The following NKAIN3 variants were observed in gnomAD, a reference collection of about 807,000 sequenced individuals.
NKAIN3 encodes sodium/potassium-transporting ATPase subunit beta-1-interacting protein 3.
Under a neutral mutation model 30.2 loss-of-function variants are expected in NKAIN3, and 25 were observed. The ratio of observed to expected loss-of-function variants is 0.83; its 90% CI spans 0.60 to 1.16. NKAIN3 has a LOEUF of 1.16. Ranked by LOEUF, NKAIN3 falls within the 50% of genes most tolerant of loss-of-function variation. The pLI is 0.00. For synonymous variants in NKAIN3, 91 were observed against 89.6 expected, an observed-to-expected ratio of 1.02 and a Z score of -0.09; for missense variants, 225 against 254.1, an observed-to-expected ratio of 0.89 and a Z score of 0.78.
At chr8:62,498,868 A>G (rs569358333) in intron 1 of NKAIN3, among the ~76,000 whole-genome samples, 2 of 152,232 alleles carry the variant, frequency 1.3e-5, no homozygotes, top group East Asian at 1.9e-4. Context: ...CATGATAATT[A>G]CTGTGATAAG....
At chr8:62,920,861 C>G (rs988012362) in intron 5 of NKAIN3, among the ~76,000 whole-genome samples, 4 of 152,136 alleles carry the variant, frequency 2.6e-5, no homozygotes, top group African/African-American at 7.2e-5. Context: ...TGATAATCTG[C>G]TGGAAGAGAG....
intron 1 of NKAIN3, among the ~76,000 whole-genome samples, chr8:62,537,410 TGGGGGCTGGAAGA>T: frequency 6.6e-6 from 1 of 152,270 alleles, no homozygotes; most frequent in South Asian, 2.1e-4. Flanking sequence ...TCTTTCTTCA[TGGGGGCTGGAAGA>T]GGAAGCCAAT....
At chr8:62,680,713 GGT>G (rs141207002) in intron 3 of NKAIN3, among the ~76,000 whole-genome samples, 12 of 149,950 alleles carry the variant, frequency 8.0e-5, no homozygotes, top group African/African-American at 9.8e-5. Context: ...TTTGAAGGCT[GGT>G]GTGTGTGTGT....
At chr8:62,729,040 C>CAAAAAAAAAAAAAAAAAAAAAAAAAAAAA (rs1317282077) in intron 3 of NKAIN3, among the ~76,000 whole-genome samples, 18 of 61,174 alleles carry the variant, frequency 2.9e-4, no homozygotes, top group East Asian at 7.6e-4. Flanking sequence ...AAAAAAAAAA[C>CAAAAAAAAAAAAAAAAAAAAAAAAAAAAA]AAAAAAAAAA....
chr8:62,481,572 C>T (rs1432562753), intron 1 of NKAIN3, among the ~76,000 whole-genome samples: 1 of 152,138 alleles, frequency 6.6e-6, no homozygotes, highest in Non-Finnish European at 1.5e-5. Context: ...CAGAGGCAGG[C>T]CCATAGTACC....
chr8:62,803,706 T>C (rs991606686), intron 4 of NKAIN3, among the ~76,000 whole-genome samples: 1 of 151,984 alleles, frequency 6.6e-6, no homozygotes, highest in Non-Finnish European at 1.5e-5. Flanking sequence ...TTAAAAGAAC[T>C]AGAAAAGCAA....
intron 3 of NKAIN3, among the ~76,000 whole-genome samples, chr8:62,623,476 G>T (rs1002599926): frequency 7.2e-5 from 11 of 151,990 alleles, no homozygotes; most frequent in African/African-American, 2.7e-4. Flanking sequence ...GTATATGCTT[G>T]TGTGTATGTA....
At chr8:62,930,669 A>G (rs377487106) in intron 5 of NKAIN3, among the ~76,000 whole-genome samples, 2 of 151,516 alleles carry the variant, frequency 1.3e-5, no homozygotes, top group South Asian at 4.2e-4. Flanking sequence ...TAAGGTTTTC[A>G]AGTTTCATCC....
intron 4 of NKAIN3, among the ~76,000 whole-genome samples, chr8:62,809,210 T>C (rs1475652408): frequency 6.6e-6 from 1 of 152,210 alleles, no homozygotes; most frequent in Non-Finnish European, 1.5e-5. Context: ...GATTTCATAT[T>C]GTTTAAACAC....
chr8:62,888,956 A>G (rs988944781), intron 4 of NKAIN3, among the ~76,000 whole-genome samples: 1 of 152,250 alleles, frequency 6.6e-6, no homozygotes, highest in South Asian at 2.1e-4. Context: ...GAGGTTCCAA[A>G]GAATTATTTT....
chr8:62,709,610 T>G (rs1814652080), intron 3 of NKAIN3, among the ~76,000 whole-genome samples: 1 of 152,174 alleles, frequency 6.6e-6, no homozygotes, highest in Non-Finnish European at 1.5e-5. Context: ...ATTTTCTCTC[T>G]TCTTTTCTTG....
At chr8:62,787,935 G>A (rs1202461346) in intron 4 of NKAIN3, among the ~76,000 whole-genome samples, 3 of 152,142 alleles carry the variant, frequency 2.0e-5, no homozygotes, top group Non-Finnish European at 4.4e-5. Context: ...ATCATTGTTG[G>A]ACATCTGGCT....
chr8:62,281,469 G>A (rs533970842), intron 1 of NKAIN3, among the ~76,000 whole-genome samples: 6 of 152,042 alleles, frequency 3.9e-5, no homozygotes, highest in Non-Finnish European at 7.4e-5. Flanking sequence ...TGTGATGTTA[G>A]GGTGTCAATT....
intron 3 of NKAIN3, among the ~76,000 whole-genome samples, chr8:62,657,470 CT>C (rs1422133102): frequency 1.3e-5 from 2 of 152,166 alleles, no homozygotes; most frequent in Non-Finnish European, 2.9e-5. Flanking sequence ...AAGCAATCTT[CT>C]TTTTATCATC....
intron 3 of NKAIN3, among the ~76,000 whole-genome samples, chr8:62,665,307 C>T (rs992481298): frequency 1.3e-5 from 2 of 151,970 alleles, no homozygotes; most frequent in African/African-American, 4.8e-5. Flanking sequence ...TCATAGCTTA[C>T]TGCTTATTTA....
chr8:62,807,251 G>A (rs935662125), intron 4 of NKAIN3, among the ~76,000 whole-genome samples: 1 of 152,138 alleles, frequency 6.6e-6, no homozygotes, highest in African/African-American at 2.4e-5. Flanking sequence ...TTTCAGGTAT[G>A]TTTTAATAAA....
At chr8:62,568,100 T>C (rs78113303) in intron 1 of NKAIN3, among the ~76,000 whole-genome samples, 2,556 of 152,210 alleles carry the variant, frequency 0.017, 71 homozygotes, top group African/African-American at 0.058. Context: ...CACCTAGATA[T>C]GGGTGGGGTG....
intron 5 of NKAIN3, among the ~76,000 whole-genome samples, chr8:62,942,628 C>T (rs1254049268): frequency 2.0e-5 from 3 of 151,810 alleles, no homozygotes; most frequent in Non-Finnish European, 4.4e-5. Flanking sequence ...TGACTTCAAA[C>T]TATGCTACAA....
At chr8:62,487,581 G>A (rs991032845) in intron 1 of NKAIN3, among the ~76,000 whole-genome samples, 1 of 152,110 alleles carries the variant, frequency 6.6e-6, no homozygotes, top group African/African-American at 2.4e-5. Context: ...TGTCTCAATA[G>A]CTGGTTTACT....
Sources: gnomAD v4.1 joint callset for allele counts (sites outside exome capture counted in the v4.1 genomes callset) on GRCh38, gnomAD v4.1.1 for gene constraint, MANE v1.5 for transcripts, NCBI Gene and HGNC (gene_info 2026-07-23, HGNC 2026-07-21) for gene names.